GAK: variants seen among roughly 807,000 people sequenced by gnomAD.
GAK encodes the protein cyclin-G-associated kinase.
GAK carries 79 observed loss-of-function variants against 143.9 expected under a neutral mutation model. The ratio of observed to expected loss-of-function variants is 0.55; its 90% confidence interval spans 0.46 to 0.66. GAK has a LOEUF of 0.66. Among genes scored for constraint, GAK ranks in the 30% least tolerant of loss-of-function variants. GAK has a pLI of 0.00. For missense variants in GAK, 1,693 were observed against 1,779.7 expected (o/e 0.95, Z 0.88); for synonymous variants, 881 against 765.5 (o/e 1.15, Z -2.49).
intron 1 of GAK, chr4:915,634 T>C (rs1367654913): frequency 6.6e-6 from 1 of 152,092 alleles, no homozygotes; most frequent in Non-Finnish European, 1.5e-5. Context: ...ATTTGCTTAG[T>C]TTTCTTTTAG....
At chr4:896,725 T>C (rs1718845882) in intron 6 of GAK, among the ~76,000 whole-genome samples, 176 bp from the exon 7 acceptor site, 1 of 152,248 alleles carries the variant, frequency 6.6e-6, no homozygotes, top group Non-Finnish European at 1.5e-5. Context: ...GCTCCGCTGC[T>C]CATCTTCGGC....
Position 883,370 on chromosome 4 carries a change from T to G in GAK, c.1349A>C (p.Tyr450Ser). 1 of 1,613,760 alleles carries G rather than the reference T, an allele frequency of 6.2e-7. No individual in the cohort carries two copies. Among genetic ancestry groups the G allele is most frequent in the Non-Finnish European group, 8.5e-7 (1 of 1,180,016 alleles). Residue 450 changes from tyrosine to serine, a missense_variant, in exon 13 of 28, where the codon TAT (tyrosine) becomes TCT (serine). By Grantham distance (144) the Tyr-to-Ser change is moderately radical (BLOSUM62 -2). Transcript: ENST00000314167. Reference protein sequence around the residue: ...LFLDSKHPGHYAVYNLSPRTY... With the variant: ...LFLDSKHPGHSAVYNLSPRTY... Reference sequence around the variant, plus strand: ...CCTCGGGGACAGGTTGTAGACGGCATAGTGCCCTGGGTGCTTGGAGTCCAG... The same window carrying G: ...CCTCGGGGACAGGTTGTAGACGGCAGAGTGCCCTGGGTGCTTGGAGTCCAG...
Position 913,624 on chromosome 4 carries a change from T to C in GAK, c.190A>G (p.Arg64Gly), listed in dbSNP as rs1222431361. ...VYEAQDVGSG[R>G]EYALKRLLSN... is the part of the protein sequence containing the mutation. ...TTCATTACCTTTAATGCATACTCTC[T>C]GCCACTCCCCACATCTTGAGCTTCA... The change falls in exon 2 of 28, where the codon AGA becomes GGA. Residue 64 changes from arginine to glycine, a missense_variant. Physicochemically the swap from Arg to Gly is moderately radical, Grantham distance 125 (BLOSUM62 -2). Around this residue, in one of 2 missense-constraint regions of GAK, gnomAD observed 871 missense variants for 991.0 expected, o/e 0.88. Transcript: ENST00000314167. 2 of 1,613,624 alleles carry C rather than the reference T, an allele frequency of 1.2e-6. No homozygotes were observed. Among genetic ancestry groups the C allele is most frequent in the African/African-American group, 1.3e-5 (1 of 74,988 alleles).
In GAK at chr4:867,308, G is replaced by A. The variant is rs2152747107; in HGVS notation, c.2520C>T (p.Gly840=). The A allele has an allele frequency of 6.2e-7, 1 of 1,611,752 alleles. No individual in the cohort carries two copies. The highest frequency in any genetic ancestry group is 8.5e-7 in the Non-Finnish European group (1 of 1,178,856). Residue 840 remains glycine, a synonymous_variant, in exon 21 of 28, where the codon GGC becomes GGT. Coordinates refer to ENST00000314167, the MANE Select transcript of GAK (RefSeq NM_005255.4). ...GCTCTGGGTCGGCCCTGGGTTCCTGGCCCTCGCTGGAGATCGGGGATCCCC... is the reference window on the plus strand; with the variant it reads ...GCTCTGGGTCGGCCCTGGGTTCCTGACCCTCGCTGGAGATCGGGGATCCCC... ...DEGGSPISSE[G]QEPRADPEPP... is the part of the protein sequence containing the mutation.
chr4:850,331 A>G lies in GAK; in HGVS notation c.3658-263T>C, dbSNP rs565290347. ...CAGCCAGATGTTCACCGAGGACACA[A>G]ACCCTGGTTCTGGTGGTGCAACCCC... On this transcript the variant is annotated intron_variant, in intron 26 of 27. Coordinates refer to ENST00000314167, the MANE Select transcript of GAK (RefSeq NM_005255.4). The G allele has an allele frequency of 1.5e-5, 6 of 399,886 alleles. No individual in the cohort carries two copies. In the South Asian group the frequency reaches 3.7e-4, roughly 25 times the overall value. The allele number at this position is 399,886 out of a possible 1,614,324, so 24.8% of individuals were successfully genotyped here.
chr4:886,152 G>C (rs1716285048), intron 11 of GAK: 1 of 152,284 alleles, frequency 6.6e-6, no homozygotes, highest in African/African-American at 2.4e-5. Flanking sequence ...TCTGCCTCAA[G>C]CACGTGATGT....
chr4:888,632 C>CT (rs1717026218), intron 11 of GAK: 1 of 584,796 alleles, frequency 1.7e-6, no homozygotes, highest in Non-Finnish European at 2.9e-6. Flanking sequence ...GGGCCTTGCC[C>CT]CCCAGGCGAT....
In GAK at chr4:878,543, A is replaced by G. The variant is rs116043727; in HGVS notation, c.1662-734T>C. ...GGTGGAACGTCCTAGAACGCTCTAC[A>G]GCTGTGTCAGCCTTCATGGGTTGGC... On this transcript the variant is annotated intron_variant, in intron 15 of 27. Coordinates refer to ENST00000314167, the MANE Select transcript of GAK (RefSeq NM_005255.4). 3.3e-3 allele frequency among the ~76,000 whole-genome samples: 503 copies of G among 152,360 alleles called. 5 individuals are homozygous for G. The highest frequency in any genetic ancestry group is 0.012 in the African/African-American group (482 of 41,582).
chr4:886,691 G>C (rs1196644907), intron 11 of GAK: 1 of 152,198 alleles, frequency 6.6e-6, no homozygotes, highest in African/African-American at 2.4e-5. Flanking sequence ...CACCCCCCTG[G>C]GTCCATGGCT....
chr4:917,678 C>T (rs754912252), intron 1 of GAK, among the ~76,000 whole-genome samples: 3 of 152,236 alleles, frequency 2.0e-5, no homozygotes, highest in Non-Finnish European at 4.4e-5. Context: ...GAGACCGTGG[C>T]GCTGACGCAC....
At chr4:914,583 G>A (rs1476407352) in intron 1 of GAK, among the ~76,000 whole-genome samples, 1 of 51,618 alleles carries the variant, frequency 1.9e-5, no homozygotes, top group Non-Finnish European at 3.5e-5. Flanking sequence ...ACAGCCCCAG[G>A]GTGCACGGCC....
chr4:851,235 C>G, intron 25 of GAK, 151 bp from the exon 26 acceptor site: 1 of 601,666 alleles, frequency 1.7e-6, no homozygotes, highest in East Asian at 3.0e-5. Flanking sequence ...GTAGCTGGGA[C>G]CACAGGCATG....
intron 23 of GAK, among the ~76,000 whole-genome samples, chr4:864,493 G>A (rs985318886): frequency 4.6e-5 from 7 of 152,208 alleles, no homozygotes; most frequent in African/African-American, 1.2e-4. Flanking sequence ...CCGCGACATC[G>A]CTGAGGCCGG....
In GAK at chr4:885,304, G is replaced by A. The variant is rs191533543; in HGVS notation, c.1206-1218C>T. On this transcript the variant is annotated intron_variant, in intron 11 of 27. Transcript: ENST00000314167. Reference sequence around the variant, plus strand: ...AAAAACAAAAATAGGGGCCAGGTGCGGTGGCTCATGCCTGTAATCTCAGCA... The same window carrying A: ...AAAAACAAAAATAGGGGCCAGGTGCAGTGGCTCATGCCTGTAATCTCAGCA... Among the ~76,000 whole-genome samples, 36 of 152,282 alleles carry A rather than the reference G, an allele frequency of 2.4e-4. No individual in the cohort carries two copies. The East Asian group carries it at 4.1e-3, about 17-fold the overall frequency.
At chr4:901,154 C>G (rs1719794095) in intron 5 of GAK, among the ~76,000 whole-genome samples, 1 of 152,266 alleles carries the variant, frequency 6.6e-6, no homozygotes, top group South Asian at 2.1e-4. Flanking sequence ...AGGGAAGCTG[C>G]CTGCCAGAGC....
rs567431831 is a variant in GAK, at chr4:849,332, C to G, written c.*341G>C. The G allele has an allele frequency of 5.5e-6, 2 of 362,366 alleles. No homozygotes were observed. The highest frequency in any genetic ancestry group is 5.2e-5 in the East Asian group (1 of 19,244). 22.4% of individuals were successfully genotyped at this position (362,366 alleles called of 1,614,324 possible). A position where few individuals can be genotyped will look rare whatever the true frequency, so the allele number is the denominator to read the frequency against. On this transcript the variant is annotated 3_prime_UTR_variant, in exon 28 of 28. Transcript: ENST00000314167. The stretch of plus-strand genomic sequence containing the variant: ...CAACCACGGGACTGATTACAAAGTG[C>G]GGTGCAAACACCAGGGCCCATGAGC...
chr4:905,566 CTACGGACTTCGCCACGCCCCAGGCCACGT>C (rs1560410564), intron 4 of GAK, among the ~76,000 whole-genome samples: 1 of 148,460 alleles, frequency 6.7e-6, no homozygotes, highest in Non-Finnish European at 1.5e-5. Flanking sequence ...CCAGGCCATG[CTACGGACTTCGCCACGCCCCAGGCCACGT>C]TACGGACTCC....
chr4:914,670 C>A (rs555870000), intron 1 of GAK, among the ~76,000 whole-genome samples: 1 of 118,434 alleles, frequency 8.4e-6, no homozygotes, highest in Non-Finnish European at 1.7e-5. Flanking sequence ...ACAGCCCCAG[C>A]GTGCACAGCC....
intron 1 of GAK, among the ~76,000 whole-genome samples, chr4:920,787 CT>C (rs1723814218): frequency 6.6e-6 from 1 of 152,058 alleles, no homozygotes; most frequent in Non-Finnish European, 1.5e-5. Flanking sequence ...CATGATCCCC[CT>C]GCCTCGGCCT....
Sources: gnomAD v4.1 joint callset for allele counts (sites outside exome capture counted in the v4.1 genomes callset) on GRCh38, gnomAD v4.1.1 for gene constraint, gnomAD v4.1.1 regional missense constraint, MANE v1.5 for transcripts, NCBI Gene and HGNC (gene_info 2026-07-23, HGNC 2026-07-21) for gene names.